The following SLC66A2 variants were observed in gnomAD, a reference collection of about 807,000 sequenced individuals.
SLC66A2 encodes the protein solute carrier family 66 member 2.
Under a neutral mutation model 25.5 loss-of-function variants are expected in SLC66A2, and 23 were observed. The observed-to-expected ratio is 0.90, with a 90% confidence interval of 0.65 to 1.28. The LOEUF is 1.28. SLC66A2 is among the 50% of genes most tolerant of loss of function. The pLI is 0.00. For missense variants in SLC66A2, 396 were observed against 373.1 expected, an observed-to-expected ratio of 1.06 and a Z score of -0.51; for synonymous variants, 193 against 166.5, an observed-to-expected ratio of 1.16 and a Z score of -1.23.
rs1247184612 is a variant in SLC66A2, at chr18:79,904,662, G to A, written c.609-479C>T. Among the ~76,000 whole-genome samples, 3 of 152,142 alleles carry A rather than the reference G, an allele frequency of 2.0e-5. No individual in the cohort carries two copies. Among genetic ancestry groups the A allele is most frequent in the African/African-American group, 7.2e-5 (3 of 41,412 alleles). The stretch of plus-strand genomic sequence containing the variant: ...TCTGTGCCCCCAGGCACACAGCCAA[G>A]TGGAGCAGAGCAGCTGCTTTTGGGT... On this transcript the variant is annotated intron_variant, in intron 5 of 5. Transcript: ENST00000397778. This position sits in a 1 kb window ranked among gnomAD's most constrained non-coding sequence, Gnocchi z 6.3.
chr18:79,909,716 C>CTTTTTCT (rs1184108537), intron 5 of SLC66A2, among the ~76,000 whole-genome samples: 5 of 115,080 alleles, frequency 4.3e-5, no homozygotes, highest in Non-Finnish European at 8.9e-5. Context: ...CATCTCACAA[C>CTTTTTCT]AGAGTCCCCA....
intron 3 of SLC66A2, among the ~76,000 whole-genome samples, chr18:79,934,576 G>A (rs1194872890): frequency 2.0e-5 from 3 of 152,238 alleles, no homozygotes; most frequent in Non-Finnish European, 2.9e-5. Context: ...CAATGTGACA[G>A]GGACCCAGCA....
intron 1 of SLC66A2, 24 bp from the exon 2 acceptor site, chr18:79,951,049 G>A (rs1206128681): frequency 1.5e-5 from 10 of 681,090 alleles, no homozygotes; most frequent in Non-Finnish European, 1.9e-5. Context: ...GGAGCTGCTC[G>A]AGTTCCGCCC....
chr18:79,907,844 T>C (rs1262653698), intron 5 of SLC66A2, among the ~76,000 whole-genome samples: 1 of 152,098 alleles, frequency 6.6e-6, no homozygotes, highest in African/African-American at 2.4e-5. Flanking sequence ...AATACCAAGA[T>C]AGTCCCCCAC....
intron 5 of SLC66A2, among the ~76,000 whole-genome samples, chr18:79,905,498 C>G (rs1289038262): frequency 6.6e-6 from 1 of 152,252 alleles, no homozygotes; most frequent in African/African-American, 2.4e-5. Flanking sequence ...GGCTGCACAG[C>G]TGACTTGGGG....
In SLC66A2 at chr18:79,919,407, C is replaced by G. The variant is rs776374864; in HGVS notation, c.392-7G>C. ...AAGTGGTGGGGGTCGAAGTCTAGGG[C>G]GAGAGGGAGAAGCAGCCTCAGCACA... On this transcript the variant is annotated splice_polypyrimidine_tract_variant and splice_region_variant and intron_variant, in intron 4 of 5. Coordinates refer to ENST00000397778, the MANE Select transcript of SLC66A2 (RefSeq NM_025078.5). The G allele has an allele frequency of 1.9e-6, 3 of 1,610,678 alleles. No homozygotes were observed. Among genetic ancestry groups the G allele is most frequent in the Non-Finnish European group, 2.5e-6 (3 of 1,178,776 alleles).
Position 79,944,864 on chromosome 18 carries a change from C to T in SLC66A2, c.204-1402G>A, listed in dbSNP as rs946082234. 6.6e-5 allele frequency among the ~76,000 whole-genome samples: 10 copies of T among 150,574 alleles called. No homozygotes were observed. In the South Asian group the frequency reaches 8.5e-4, roughly 13 times the overall value. On this transcript the variant is annotated intron_variant, in intron 2 of 5. Transcript: ENST00000397778. The stretch of plus-strand genomic sequence containing the variant: ...CACGAAGCAGAAGAAGGGGGAACCC[C>T]GCAGCCCCCTCAGCAACCCCTTATC...
At chr18:79,916,481 T>G (rs1984178211) in intron 5 of SLC66A2, among the ~76,000 whole-genome samples, 1 of 152,242 alleles carries the variant, frequency 6.6e-6, no homozygotes, top group African/African-American at 2.4e-5. Context: ...GGAAGGAGCC[T>G]GCACAGAGGA....
intron 4 of SLC66A2, among the ~76,000 whole-genome samples, chr18:79,925,206 G>A (rs1985791637): frequency 6.6e-6 from 1 of 152,152 alleles, no homozygotes; most frequent in Non-Finnish European, 1.5e-5. Context: ...TGGGAGGGGA[G>A]GGCACCCCCC....
At chr18:79,942,575 G>A (rs1987770533) in intron 3 of SLC66A2, among the ~76,000 whole-genome samples, 1 of 152,184 alleles carries the variant, frequency 6.6e-6, no homozygotes, top group African/African-American at 2.4e-5. Flanking sequence ...TGATAGCTGA[G>A]ATCACTCTCT....
chr18:79,918,195 AAG>A lies in SLC66A2; in HGVS notation c.608+987_608+988del. 2.0e-5 allele frequency among the ~76,000 whole-genome samples: 3 copies of A among 152,308 alleles called. No individual in the cohort carries two copies. In the East Asian group the frequency reaches 5.8e-4, roughly 29 times the overall value. On this transcript the variant is annotated intron_variant, in intron 5 of 5. Coordinates refer to ENST00000397778, the MANE Select transcript of SLC66A2 (RefSeq NM_025078.5). The surrounding 1 kb of genome is among the most constrained non-coding windows in gnomAD (Gnocchi z 4.0). Reference sequence around the variant, plus strand: ...TACTCAGAGGTCTCTGAAAGCCCTCAAGAGAGTGCTGTGGCCCCTGGGCACCC... The same window carrying A: ...TACTCAGAGGTCTCTGAAAGCCCTCAAGAGTGCTGTGGCCCCTGGGCACCC...
rs1460719429 is a variant in SLC66A2 at position 79,951,610 on chromosome 18, C to G, written c.-129G>C. On this transcript the variant is annotated 5_prime_UTR_variant, in exon 1 of 6. Transcript: ENST00000397778. ...GCCCCCAGCCCCGCGCCCAGCGCCC[C>G]GCGTCCCCGCGCCGCTGACCCGCGC... is the stretch of plus-strand genomic sequence containing the variant. 8 of 151,510 alleles carry G rather than the reference C, an allele frequency of 5.3e-5. No homozygotes were observed. Among genetic ancestry groups the G allele is most frequent in the East Asian group, 3.9e-4 (2 of 5,150 alleles). 9.4% of individuals were successfully genotyped at this position (151,510 alleles called of 1,614,324 possible). A position where few individuals can be genotyped will look rare whatever the true frequency, so the allele number is the denominator to read the frequency against.
intron 4 of SLC66A2, among the ~76,000 whole-genome samples, chr18:79,924,333 G>C (rs1985662431): frequency 6.6e-6 from 1 of 152,184 alleles, no homozygotes; most frequent in African/African-American, 2.4e-5. Context: ...GCCAGACACG[G>C]GAACCACACA....
chr18:79,923,531 A>G (rs1985553967), intron 4 of SLC66A2, among the ~76,000 whole-genome samples: 1 of 152,154 alleles, frequency 6.6e-6, no homozygotes, highest in Non-Finnish European at 1.5e-5. Context: ...TCCTCACTAA[A>G]CAGTTTCTGA....
Position 79,943,452 on chromosome 18 carries a change from G to A in SLC66A2, c.214C>T (p.Arg72Cys), listed in dbSNP as rs565426699. The A allele has an allele frequency of 3.7e-5, 59 of 1,613,948 alleles. No individual in the cohort carries two copies. Among genetic ancestry groups the A allele is most frequent in the Admixed American group, 2.2e-4 (13 of 59,996 alleles). Residue 72 changes from arginine to cysteine, a missense_variant, in exon 3 of 6, where the codon CGC (arginine) becomes TGC (cysteine). Physicochemically the swap from Arg to Cys is radical, Grantham distance 180 (BLOSUM62 -3). Transcript: ENST00000397778. The stretch of plus-strand genomic sequence containing the variant: ...TGCCACAGCAGCGGGGACTCAAAGC[G>A]CCTTCCAAACCTGCGGGAGAGACAC... ...ILRILFWFGR[R>C]FESPLLWQSA... is the part of the protein sequence containing the mutation.
Position 79,918,514 on chromosome 18 carries a change from C to T in SLC66A2, c.608+670G>A, listed in dbSNP as rs569658836. Among the ~76,000 whole-genome samples, 20 of 151,020 alleles carry T rather than the reference C, an allele frequency of 1.3e-4. No individual in the cohort carries two copies. The highest frequency in any genetic ancestry group is 4.7e-4 in the African/African-American group (19 of 40,860). On this transcript the variant is annotated intron_variant, in intron 5 of 5. Transcript: ENST00000397778. The surrounding 1 kb of genome is among the most constrained non-coding windows in gnomAD (Gnocchi z 4.0). ...CCCAGTGAGGAGCGGGCCTGGGGGT[C>T]GAAAGTGTGAGGGACTAGAGTTTTC...
chr18:79,907,215 T>G (rs1372063644), intron 5 of SLC66A2, among the ~76,000 whole-genome samples: 1 of 152,230 alleles, frequency 6.6e-6, no homozygotes, highest in Non-Finnish European at 1.5e-5. Flanking sequence ...CATTTTAATT[T>G]TTTTTGGTCT....
chr18:79,921,710 G>C (rs1482930622), intron 4 of SLC66A2, among the ~76,000 whole-genome samples: 1 of 63,244 alleles, frequency 1.6e-5, no homozygotes, highest in African/African-American at 5.4e-5. Context: ...AGAGGTCAAG[G>C]TCAGTGGGGA....
intron 3 of SLC66A2, among the ~76,000 whole-genome samples, chr18:79,939,373 C>A (rs1568331588): frequency 6.6e-6 from 1 of 152,124 alleles, no homozygotes; most frequent in Non-Finnish European, 1.5e-5. Context: ...TTGGCAAAAG[C>A]AATAATTGAC....
Sources: gnomAD v4.1 joint callset for allele counts (sites outside exome capture counted in the v4.1 genomes callset) on GRCh38, gnomAD v4.1.1 for gene constraint, Gnocchi (gnomAD v3.1) non-coding constraint, MANE v1.5 for transcripts, NCBI Gene and HGNC (gene_info 2026-07-23, HGNC 2026-07-21) for gene names.